KMT2C: variants seen among roughly 807,000 people sequenced by gnomAD.
The protein encoded by KMT2C is histone-lysine N-methyltransferase 2C.
In KMT2C, 88 loss-of-function variants were observed where a neutral mutation model predicts 507.9. The ratio of observed to expected loss-of-function variants is 0.17; its 90% CI spans 0.15 to 0.21. The LOEUF is 0.21. Among genes scored for constraint, KMT2C ranks in the 10% least tolerant of loss-of-function variants. The probability of loss-of-function intolerance (pLI) is 1.00; values close to 1 mark genes in which losing one functional copy is unlikely to be tolerated. For missense variants in KMT2C, 4,954 were observed against 5,957.8 expected (o/e 0.83, Z 5.55); for synonymous variants, 2,049 against 2,080.8 (o/e 0.98, Z 0.42).
chr7:152,420,077 AAGGT>A lies in KMT2C; in HGVS notation c.161+15545_161+15548del, dbSNP rs2097768826. 2.6e-5 allele frequency among the ~76,000 whole-genome samples: 4 copies of A among 152,370 alleles called. No individual in the cohort carries two copies. In the South Asian group the frequency reaches 8.3e-4, roughly 32 times the overall value. On this transcript the variant is annotated intron_variant, in intron 1 of 58. Transcript: ENST00000262189. Reference sequence around the variant, plus strand: ...CTTTGCACTGAGTTACCAGAAATTGAAGGTAGGGATCTTGCCTTATTTTGGTCTC... The same window carrying A: ...CTTTGCACTGAGTTACCAGAAATTGAAGGGATCTTGCCTTATTTTGGTCTC...
chr7:152,354,360 T>G (rs1314776196), intron 2 of KMT2C, among the ~76,000 whole-genome samples: 3 of 152,216 alleles, frequency 2.0e-5, no homozygotes, highest in African/African-American at 4.8e-5. Context: ...AACACAATAC[T>G]GCTTCACTTA....
intron 31 of KMT2C, among the ~76,000 whole-genome samples, chr7:152,193,440 T>C (rs923622767): frequency 6.6e-6 from 1 of 152,158 alleles, no homozygotes; most frequent in Non-Finnish European, 1.5e-5. Context: ...TGATTTACTA[T>C]GAAAGTATGT....
rs966410579 is a variant in KMT2C, at chr7:152,315,163, G to A, written c.565C>T (p.Pro189Ser). ...GTYEKMQNSA[P>S]RKQRGQRKER... is the part of the protein sequence containing the mutation. ...TTTCTCTGTCCTCTTTGTTTTCGTG[G>A]TGCTGAGTTTTGCATTTTCTCATAG... Residue 189 changes from proline (P) to serine (S), a missense_variant, in exon 4 of 59, where the codon CCA becomes TCA. Transcript: ENST00000262189. 3 of 1,613,910 alleles carry A rather than the reference G, an allele frequency of 1.9e-6. No homozygotes were observed. The highest frequency in any genetic ancestry group is 2.5e-6 in the Non-Finnish European group (3 of 1,179,900).
rs1320038786 is a variant in KMT2C at position 152,162,557 on chromosome 7, C to A, written c.11020G>T (p.Gly3674Cys). Residue 3674 changes from glycine to cysteine, a missense_variant, in exon 43 of 59, where the codon GGC (glycine) becomes TGC (cysteine). Gly to Cys is a radical substitution (Grantham distance 159). Around this residue, in one of 29 missense-constraint regions of KMT2C, gnomAD observed 801 missense variants for 751.2 expected, o/e 1.07. Coordinates refer to ENST00000262189, the MANE Select transcript of KMT2C (RefSeq NM_170606.3). ...VGPSTPNMAA[G>C]QLCTELENKL... The stretch of plus-strand genomic sequence containing the variant: ...TTCTCTAATTCTGTACATAGCTGGC[C>A]TGCTGCCATATTGGGAGTGGATGGG... The A allele has an allele frequency of 1.2e-6, 2 of 1,614,204 alleles. No homozygotes were observed. Among genetic ancestry groups the A allele is most frequent in the Admixed American group, 3.3e-5 (2 of 60,038 alleles).
At position 152,278,476 on chromosome 7, in the gene KMT2C, C is replaced by G. The variant is rs566223433; in HGVS notation, c.850-4609G>C. On this transcript the variant is annotated intron_variant, in intron 6 of 58. Transcript: ENST00000262189. ...ATTTCAAACTTCTTGAAGCCCTCAC[C>G]AGAAGCAGATGCCAGCACCACACTT... is the stretch of plus-strand genomic sequence containing the variant. Among the ~76,000 whole-genome samples, 904 of 152,348 alleles carry G rather than the reference C, an allele frequency of 5.9e-3. 1 individual carries two copies. Among genetic ancestry groups the G allele is most frequent in the Non-Finnish European group, 0.01 (708 of 68,026 alleles).
Position 152,162,165 on chromosome 7 carries a change from A to C in KMT2C, c.11412T>G (p.Cys3804Trp). 1 of 1,606,756 alleles carries C rather than the reference A, an allele frequency of 6.2e-7. No homozygotes were observed. Among genetic ancestry groups the C allele is most frequent in the African/African-American group, 1.3e-5 (1 of 74,630 alleles). Residue 3804 changes from cysteine (C) to tryptophan (W), a missense_variant, in exon 43 of 59, where the codon TGT (cysteine) becomes TGG (tryptophan). This residue lies in a region of KMT2C where 801 missense variants were observed against 751.2 expected (regional missense o/e 1.07). Coordinates refer to ENST00000262189, the MANE Select transcript of KMT2C (RefSeq NM_170606.3). ...PEGSICSEDD[C>W]TKDNKLVEKQ... ...TCTCAACTAGTTTATTATCCTTTGT[A>C]CAGTCATCTTCTGAACAAATACTGC... is the stretch of plus-strand genomic sequence containing the variant.
chr7:152,355,509 C>T (rs1000544987), intron 2 of KMT2C, among the ~76,000 whole-genome samples: 5 of 150,776 alleles, frequency 3.3e-5, no homozygotes, highest in Middle Eastern at 3.4e-3. Context: ...AGAAGATGAG[C>T]GAAGAGAATG....
rs200452834 is a variant in KMT2C, at chr7:152,276,761, C to CAA, written c.850-2896_850-2895dup. 4.9e-3 allele frequency among the ~76,000 whole-genome samples: 631 copies of CAA among 129,184 alleles called. 4 individuals carry two copies. The highest frequency in any genetic ancestry group is 0.017 in the African/African-American group (596 of 35,672). 84.7% of individuals were successfully genotyped at this position (129,184 alleles called of 152,430 possible). A position where few individuals can be genotyped will look rare whatever the true frequency, so the allele number is the denominator to read the frequency against. ...AAAGTGAGAACCAGTCTATAAAATT[C>CAA]AAAAAAAAAAAGGCCCTTAAATGGT... is the stretch of plus-strand genomic sequence containing the variant. On this transcript the variant is annotated intron_variant, in intron 6 of 58. Transcript: ENST00000262189.
intron 16 of KMT2C, among the ~76,000 whole-genome samples, chr7:152,232,531 C>T (rs2095151382): frequency 6.6e-6 from 1 of 152,002 alleles, no homozygotes; most frequent in African/African-American, 2.4e-5. Context: ...TTCATCAGTT[C>T]AGAAATAATA....
At chr7:152,359,302 AAAC>A (rs1563981408) in intron 1 of KMT2C, among the ~76,000 whole-genome samples, 1 of 152,010 alleles carries the variant, frequency 6.6e-6, no homozygotes, top group African/African-American at 2.4e-5. Context: ...AAAAAAAAAA[AAAC>A]TAATGCCTTT....
chr7:152,332,936 T>C (rs891780318), intron 2 of KMT2C, among the ~76,000 whole-genome samples: 4 of 150,000 alleles, frequency 2.7e-5, no homozygotes, highest in Non-Finnish European at 4.4e-5. Context: ...GGCAAAAGAA[T>C]TAACAATCCA....
intron 44 of KMT2C, among the ~76,000 whole-genome samples, 174 bp downstream of exon 44, chr7:152,158,689 T>A (rs2092256940): frequency 6.6e-6 from 1 of 152,154 alleles, no homozygotes; most frequent in South Asian, 2.1e-4. Flanking sequence ...TAAATGTTTG[T>A]ATTTTTCGTA....
intron 26 of KMT2C, 73 bp downstream of exon 26, chr7:152,202,859 CTA>C (rs1338386324): frequency 1.7e-6 from 2 of 1,192,812 alleles, no homozygotes; most frequent in Non-Finnish European, 2.3e-6. Context: ...AACAACAAAC[CTA>C]TGTTTTAAAA....
At chr7:152,210,595 C>T (rs780840723) in intron 23 of KMT2C, among the ~76,000 whole-genome samples, 3 of 151,586 alleles carry the variant, frequency 2.0e-5, no homozygotes, top group Non-Finnish European at 2.9e-5. Context: ...TATGTGTGGC[C>T]CAAGACAATG....
At position 152,327,969 on chromosome 7, in the gene KMT2C, A is replaced by G. The variant is rs542353377; in HGVS notation, c.389+2632T>C. On this transcript the variant is annotated intron_variant, in intron 3 of 58. Transcript: ENST00000262189. Reference sequence around the variant, plus strand: ...CGAGACTCCGCCTCAAAAAAAAAAAAAAAAAAGAAAAAAGAAAAAAAAATT... The same window carrying G: ...CGAGACTCCGCCTCAAAAAAAAAAAGAAAAAAGAAAAAAGAAAAAAAAATT... 2.3e-3 allele frequency among the ~76,000 whole-genome samples: 341 copies of G among 151,354 alleles called. 3 individuals carry two copies. Among genetic ancestry groups the G allele is most frequent in the Middle Eastern group, 0.01 (3 of 294 alleles).
chr7:152,164,134 A>T (rs1408299331), intron 42 of KMT2C, among the ~76,000 whole-genome samples: 1 of 152,202 alleles, frequency 6.6e-6, no homozygotes, highest in Non-Finnish European at 1.5e-5. Context: ...TACTATTTAT[A>T]CTATACATAA....
chr7:152,244,272 G>C (rs1456733267), intron 14 of KMT2C, among the ~76,000 whole-genome samples: 1 of 152,158 alleles, frequency 6.6e-6, no homozygotes, highest in African/African-American at 2.4e-5. Context: ...AATTGGTCTA[G>C]GGTAGGGCCA....
chr7:152,304,040 T>C (rs377559788), intron 6 of KMT2C, among the ~76,000 whole-genome samples: 8 of 152,076 alleles, frequency 5.3e-5, no homozygotes, highest in African/African-American at 1.7e-4. Context: ...TGAGAATGTA[T>C]AATAAAGCTG....
rs2092514633 is a variant in KMT2C, at chr7:152,162,601, T to C, written c.10976A>G (p.Glu3659Gly). Residue 3659 changes from glutamate (E) to glycine (G), a missense_variant, in exon 43 of 59, where the codon GAG becomes GGG. By Grantham distance (98) the Glu-to-Gly change is moderately conservative. Transcript: ENST00000262189. ...GGATGGGCCGACTGGTTCCACCGAC[T>C]CTTGGTCGGCTTGTTGAGGAAGCTC... is the stretch of plus-strand genomic sequence containing the variant. ...PSELPQQADQ[E>G]SVEPVGPSTP... The C allele has an allele frequency of 1.9e-6, 3 of 1,614,118 alleles. No homozygotes were observed. Among genetic ancestry groups the C allele is most frequent in the African/African-American group, 2.7e-5 (2 of 74,940 alleles).
Sources: gnomAD v4.1 joint callset for allele counts (sites outside exome capture counted in the v4.1 genomes callset) on GRCh38, gnomAD v4.1.1 for gene constraint, gnomAD v4.1.1 regional missense constraint, MANE v1.5 for transcripts, NCBI Gene and HGNC (gene_info 2026-07-23, HGNC 2026-07-21) for gene names.